The following ADAM11 variants were observed in gnomAD, a reference collection of about 807,000 sequenced individuals.
ADAM11 encodes disintegrin and metalloproteinase domain-containing protein 11.
Under a neutral mutation model 119.1 loss-of-function variants are expected in ADAM11, and 49 were observed. The ratio of observed to expected loss-of-function variants is 0.41; its 90% CI spans 0.33 to 0.52. The LOEUF (loss-of-function observed/expected upper bound fraction) is 0.52, where lower values mean the gene tolerates loss of function less well. Ranked by LOEUF, ADAM11 falls within the 20% of genes least tolerant of loss-of-function variation. The pLI, the probability that ADAM11 is intolerant of heterozygous loss-of-function variation, is 0.20. For missense variants in ADAM11, 777 were observed against 1,047.5 expected (o/e 0.74, Z 3.56); for synonymous variants, 364 against 408.0 (o/e 0.89, Z 1.30).
chr17:44,774,855 G>A (rs939684321), intron 14 of ADAM11, 106 bp downstream of exon 14: 50 of 1,364,372 alleles, frequency 3.7e-5, no homozygotes, highest in Non-Finnish European at 4.9e-5. Flanking sequence ...CCAGCTCACA[G>A]AACCACTCAG....
At position 44,774,698 on chromosome 17, in the gene ADAM11, G is replaced by A; in HGVS notation, c.1169G>A (p.Gly390Glu). Residue 390 changes from glycine to glutamate, a missense_variant and splice_region_variant, in exon 14 of 27, where the codon GGG (glycine) becomes GAG (glutamate). Gly to Glu is a moderately conservative substitution (Grantham distance 98). Transcript: ENST00000200557. ...MMWNKHRSSA[G>E]DCKCPDIWLG... ...CATATCCGCCTGGCTCACCCCTCAGGGGACTGCAAGTGTCCAGACATCTGG... is the reference window on the plus strand; with the variant it reads ...CATATCCGCCTGGCTCACCCCTCAGAGGACTGCAAGTGTCCAGACATCTGG... The A allele has an allele frequency of 6.3e-7, 1 of 1,590,802 alleles. No individual in the cohort carries two copies. Among genetic ancestry groups the A allele is most frequent in the East Asian group, 2.2e-5 (1 of 44,714 alleles).
At position 44,773,005 on chromosome 17, in the gene ADAM11, C is replaced by T. The variant is rs772239271; in HGVS notation, c.754-9C>T. ...AGCCTGGCCCTCCTCCCATTCTTCT[C>T]TCTCCCAGTTCGAGCAGATGCGACA... On this transcript the variant is annotated splice_polypyrimidine_tract_variant and intron_variant, in intron 9 of 26. Coordinates refer to ENST00000200557, the MANE Select transcript of ADAM11 (RefSeq NM_002390.6). This position sits in a 1 kb window ranked among gnomAD's most constrained non-coding sequence, Gnocchi z 4.6. 3.1e-6 allele frequency: 5 copies of T among 1,614,030 alleles called. No homozygotes were observed. In the East Asian group the frequency reaches 8.9e-5, roughly 29 times the overall value.
At position 44,777,161 on chromosome 17, in the gene ADAM11, C is replaced by G. The variant is rs773098777; in HGVS notation, c.1682-5C>G. 3 of 1,595,364 alleles carry G rather than the reference C, an allele frequency of 1.9e-6. No individual in the cohort carries two copies. The African/African-American group carries it at 4.0e-5, about 21-fold the overall frequency. ...GTGGGGTCACTTGGCATCCTCTCCC[C>G]ACAGCGGCTGCTGATCGCTTCTGCT... On this transcript the variant is annotated splice_polypyrimidine_tract_variant and splice_region_variant and intron_variant, in intron 20 of 26. Transcript: ENST00000200557. The surrounding 1 kb of genome is among the most constrained non-coding windows in gnomAD (Gnocchi z 5.1).
chr17:44,762,848 G>A (rs1036978721), intron 2 of ADAM11, among the ~76,000 whole-genome samples: 1 of 151,982 alleles, frequency 6.6e-6, no homozygotes, highest in Non-Finnish European at 1.5e-5. Context: ...GGCCAAGAAG[G>A]AATTAGAAGC....
Position 44,772,333 on chromosome 17 carries a change from G to A in ADAM11, c.610G>A (p.Gly204Ser). The change falls in exon 7 of 27, where the codon GGC becomes AGC. Residue 204 changes from glycine (G) to serine (S), a missense_variant and splice_region_variant. Transcript: ENST00000200557. This position sits in a 1 kb window ranked among gnomAD's most constrained non-coding sequence, Gnocchi z 4.5. ...AGATCCCCTCGGATGCAGGGAACCA[G>A]GTAAGGGAGGGAAGGGGGGGTGGGG... ...LPDPLGCREP[G>S]CLFAVPAQSA... 6.6e-7 allele frequency: 1 copy of A among 1,504,246 alleles called. No individual in the cohort carries two copies. The highest frequency in any genetic ancestry group is 9.1e-7 in the Non-Finnish European group (1 of 1,097,888). The allele number at this position is 1,504,246 out of a possible 1,614,324, so 93.2% of individuals were successfully genotyped here.
chr17:44,763,578 AG>A (rs2049414060), intron 2 of ADAM11, among the ~76,000 whole-genome samples: 1 of 152,226 alleles, frequency 6.6e-6, no homozygotes, highest in Non-Finnish European at 1.5e-5. Context: ...GGGGTGGTGC[AG>A]GTCAGGCAAG....
Position 44,759,778 on chromosome 17 carries a change from G to A in ADAM11, c.118G>A (p.Gly40Arg). Residue 40 changes from glycine to arginine, a missense_variant, in exon 2 of 27, where the codon GGA becomes AGA. Gly to Arg is a moderately radical substitution (Grantham distance 125). Transcript: ENST00000200557. ...GCGATGGGGGGGCTTACCCCAGCTG[G>A]GAGGCCCAGGAGCCCCTGAGGTCAC... is the stretch of plus-strand genomic sequence containing the variant. ...ALRWGGLPQL[G>R]GPGAPEVTEP... The A allele has an allele frequency of 1.5e-6, 2 of 1,324,796 alleles. No individual in the cohort carries two copies. The highest frequency in any genetic ancestry group is 2.0e-4 in the Middle Eastern group (1 of 4,926). The allele number at this position is 1,324,796 out of a possible 1,614,324, so 82.1% of individuals were successfully genotyped here. A position where few individuals can be genotyped will look rare whatever the true frequency, so the allele number is the denominator to read the frequency against.
rs764527574 is a variant in ADAM11, at chr17:44,777,895, A to G, written c.2070+32A>G. On this transcript the variant is annotated intron_variant, in intron 23 of 26. Coordinates refer to ENST00000200557, the MANE Select transcript of ADAM11 (RefSeq NM_002390.6). This position sits in a 1 kb window ranked among gnomAD's most constrained non-coding sequence, Gnocchi z 5.1. ...GCCTGGAGCCTGGGATGGCGGGAGA[A>G]GCTTACAAGAGGGGACAGGCCCCTG... The G allele has an allele frequency of 6.2e-7, 1 of 1,613,672 alleles. No homozygotes were observed. The highest frequency in any genetic ancestry group is 8.5e-7 in the Non-Finnish European group (1 of 1,179,944).
At position 44,774,336 on chromosome 17, in the gene ADAM11, T is replaced by TG; in HGVS notation, c.1040dup (p.Ile348HisfsTer71). 1 of 1,472,704 alleles carries TG rather than the reference T, an allele frequency of 6.8e-7. No individual in the cohort carries two copies. Among genetic ancestry groups the TG allele is most frequent in the East Asian group, 2.5e-5 (1 of 39,598 alleles). 91.2% of individuals were successfully genotyped at this position (1,472,704 alleles called of 1,614,324 possible). On this transcript the variant is annotated frameshift_variant, in exon 12 of 27. Coordinates refer to ENST00000200557, the MANE Select transcript of ADAM11 (RefSeq NM_002390.6). LOFTEE classifies it high-confidence loss of function. ...AGCACGAGCAGCGGGGCAGCCTACG[T>TG]GGGGGGCATATGCTCCCTGTCCCAC...
intron 25 of ADAM11, 76 bp downstream of exon 25, chr17:44,778,318 G>C: frequency 1.4e-6 from 2 of 1,441,348 alleles, no homozygotes; most frequent in South Asian, 2.6e-5. Context: ...GAGCTGAGGG[G>C]GCCCTCCCTG....
Position 44,761,759 on chromosome 17 carries a change from G to A in ADAM11, c.237+1862G>A, listed in dbSNP as rs1228378209. Among the ~76,000 whole-genome samples the A allele has an allele frequency of 3.9e-5, 6 of 152,234 alleles. No individual in the cohort carries two copies. The East Asian group carries it at 7.7e-4, about 20-fold the overall frequency. On this transcript the variant is annotated intron_variant, in intron 2 of 26. Transcript: ENST00000200557. ...GCTGTGGACTTCTATGGGCCACTCT[G>A]CCAAGCTTTGTATGCACTCTACATC...
rs1359030851 is a variant in ADAM11, at chr17:44,775,162, G to A, written c.1221-50G>A. On this transcript the variant is annotated intron_variant, in intron 14 of 26. Coordinates refer to ENST00000200557, the MANE Select transcript of ADAM11 (RefSeq NM_002390.6). The surrounding 1 kb of genome is among the most constrained non-coding windows in gnomAD (Gnocchi z 7.5). Reference sequence around the variant, plus strand: ...CCCTCCCCAGCCTTGAGAGGGGTGAGGGTGGGTTGGAGGGGAGCAGCCAGC... The same window carrying A: ...CCCTCCCCAGCCTTGAGAGGGGTGAAGGTGGGTTGGAGGGGAGCAGCCAGC... 5 of 1,480,308 alleles carry A rather than the reference G, an allele frequency of 3.4e-6. No individual in the cohort carries two copies. The highest frequency in any genetic ancestry group is 3.4e-5 in the Admixed American group (2 of 59,566). The allele number at this position is 1,480,308 out of a possible 1,614,324, so 91.7% of individuals were successfully genotyped here. A position where few individuals can be genotyped will look rare whatever the true frequency, so the allele number is the denominator to read the frequency against.
intron 3 of ADAM11, 41 bp downstream of exon 3, chr17:44,769,835 G>A (rs771561622): frequency 1.2e-6 from 2 of 1,609,256 alleles, no homozygotes; most frequent in Non-Finnish European, 1.7e-6. Flanking sequence ...GCAGTGGTGG[G>A]GCGGGGGAGA....
Position 44,759,889 on chromosome 17 carries a change from G to A in ADAM11, c.229G>A (p.Gly77Arg). Residue 77 changes from glycine to arginine, a missense_variant, in exon 2 of 27, where the codon GGG (glycine) becomes AGG (arginine). Transcript: ENST00000200557. ...CACAAGGGTCCGCCAGGAGCCACCA[G>A]GGGGCCCGGTGAGTGGGGCTGGGTG... Reference protein sequence around the residue: ...LDTRVRQEPPGGPPVHLAQVS... With the variant: ...LDTRVRQEPPRGPPVHLAQVS... The A allele has an allele frequency of 1.5e-6, 2 of 1,301,338 alleles. No individual in the cohort carries two copies. The highest frequency in any genetic ancestry group is 6.5e-5 in the South Asian group (2 of 30,988). 80.6% of individuals were successfully genotyped at this position (1,301,338 alleles called of 1,614,324 possible). A position where few individuals can be genotyped will look rare whatever the true frequency, so the allele number is the denominator to read the frequency against.
rs368621675 is a variant in ADAM11 at position 44,774,322 on chromosome 17, C to T, written c.1020C>T (p.Ser340=). The T allele has an allele frequency of 8.8e-6, 13 of 1,472,934 alleles. No homozygotes were observed. Among genetic ancestry groups the T allele is most frequent in the South Asian group, 5.6e-5 (4 of 71,994 alleles). The allele number at this position is 1,472,934 out of a possible 1,614,324, so 91.2% of individuals were successfully genotyped here. A position where few individuals can be genotyped will look rare whatever the true frequency, so the allele number is the denominator to read the frequency against. ...FSGRTFQSTS[S]GAAYVGGICS... is the part of the protein sequence containing the mutation. ...GCAGGACCTTCCAGAGCACGAGCAG[C>T]GGGGCAGCCTACGTGGGGGGCATAT... The change falls in exon 12 of 27, where the codon AGC becomes AGT. Residue 340 remains serine, a synonymous_variant. Transcript: ENST00000200557.
chr17:44,771,957 C>A, intron 6 of ADAM11, 126 bp downstream of exon 6: 1 of 1,110,802 alleles, frequency 9.0e-7, no homozygotes, highest in Non-Finnish European at 1.3e-6. Context: ...CTGCCCTCTT[C>A]AGTGACCCCA....
At chr17:44,779,637 C>T (rs566511674) in intron 26 of ADAM11, 102 bp from the exon 27 acceptor site, 4 of 1,503,340 alleles carry the variant, frequency 2.7e-6, no homozygotes, top group Admixed American at 2.4e-5. Flanking sequence ...TGTGACTTGC[C>T]GCCTGCCTCC....
At chr17:44,768,216 A>G (rs145829172) in intron 2 of ADAM11, among the ~76,000 whole-genome samples, 317 of 152,338 alleles carry the variant, frequency 2.1e-3, no homozygotes, top group African/African-American at 7.3e-3. Flanking sequence ...AGGATGGTTC[A>G]GGCCATGGGC....
chr17:44,761,164 T>C (rs895620670), intron 2 of ADAM11, among the ~76,000 whole-genome samples: 1 of 133,608 alleles, frequency 7.5e-6, no homozygotes, highest in African/African-American at 2.5e-5. Flanking sequence ...ACCTGTGAAC[T>C]GTGCACCCCG....
Sources: gnomAD v4.1 joint callset for allele counts (sites outside exome capture counted in the v4.1 genomes callset) on GRCh38, gnomAD v4.1.1 for gene constraint, Gnocchi (gnomAD v3.1) non-coding constraint, MANE v1.5 for transcripts, NCBI Gene and HGNC (gene_info 2026-07-23, HGNC 2026-07-21) for gene names.